Variants in RGS3 observed in about 807,000 individuals in gnomAD.
RGS3 encodes regulator of G protein signaling 3.
A neutral mutation model predicts 132.6 loss-of-function variants in RGS3; 80 were observed. The observed-to-expected ratio is 0.60, with a 90% CI of 0.50 to 0.73. RGS3 has a LOEUF of 0.73. RGS3 is among the 30% of genes least tolerant of loss of function. RGS3 has a pLI of 0.00. For synonymous variants in RGS3, 598 were observed against 620.6 expected (o/e 0.96, Z 0.54); for missense variants, 1,382 against 1,530.8 (o/e 0.90, Z 1.62).
In RGS3 at chr9:113,565,064, G is replaced by A; in HGVS notation, c.2038-18386G>A. Reference sequence around the variant, plus strand: ...GAGCCTGCTAGGGATCCCAGTGCCAGGGGGTGCCGTTGTGAGGGATGGACG... The same window carrying A: ...GAGCCTGCTAGGGATCCCAGTGCCAAGGGGTGCCGTTGTGAGGGATGGACG... On this transcript the variant is annotated intron_variant, in intron 19 of 24. Coordinates refer to ENST00000350696, the Ensembl canonical transcript of RGS3. This position sits in a 1 kb window ranked among gnomAD's most constrained non-coding sequence, Gnocchi z 5.7. The A allele has an allele frequency of 8.8e-7, 1 of 1,138,026 alleles. No homozygotes were observed. The highest frequency in any genetic ancestry group is 1.1e-6 in the Non-Finnish European group (1 of 915,104). 70.5% of individuals were successfully genotyped at this position (1,138,026 alleles called of 1,614,324 possible). A position where few individuals can be genotyped will look rare whatever the true frequency, so the allele number is the denominator to read the frequency against.
At chr9:113,460,960 C>A (rs117994048) in intron 1 of RGS3, among the ~76,000 whole-genome samples, 6,263 of 152,162 alleles carry the variant, frequency 0.041, 167 homozygotes, top group South Asian at 0.1. Context: ...TGTATATATG[C>A]ATATGGTATA....
In RGS3 at chr9:113,474,268, CTG is replaced by C. The variant is rs561018003; in HGVS notation, c.416-5217_416-5216del. ...ACCCATCACAATTTTTATGCCAGTG[CTG>C]TGTGTCCTATGTCCTCACCTTCGCA... is the stretch of plus-strand genomic sequence containing the variant. On this transcript the variant is annotated intron_variant, in intron 3 of 24. Coordinates refer to ENST00000350696, the Ensembl canonical transcript of RGS3. Among the ~76,000 whole-genome samples, 41 of 152,242 alleles carry C rather than the reference CTG, an allele frequency of 2.7e-4. 1 individual carries two copies. The South Asian group carries it at 4.8e-3, about 18-fold the overall frequency.
intron 1 of RGS3, among the ~76,000 whole-genome samples, chr9:113,447,125 G>A (rs545605008): frequency 8.6e-5 from 13 of 151,214 alleles, no homozygotes; most frequent in African/African-American, 3.2e-4. Context: ...AGCTGGGTGT[G>A]GTGGCACGTG....
chr9:113,553,458 AAATATATATATATATAT>A (rs1414186515), intron 19 of RGS3, among the ~76,000 whole-genome samples: 25 of 95,518 alleles, frequency 2.6e-4, no homozygotes, highest in African/African-American at 1.1e-3. Context: ...AAAAAAAAAA[AAATATATATATATATAT>A]ATATATATAT....
At chr9:113,504,004 G>C (rs1226630326) in intron 10 of RGS3, among the ~76,000 whole-genome samples, 1 of 152,074 alleles carries the variant, frequency 6.6e-6, no homozygotes, top group African/African-American at 2.4e-5. Context: ...CCTTCCCCTT[G>C]TCTGTCAGGT....
intron 22 of RGS3, 27 bp downstream of exon 20, chr9:113,594,558 C>A: frequency 5.1e-6 from 8 of 1,580,872 alleles, no homozygotes; most frequent in African/African-American, 1.3e-5. Flanking sequence ...ACCCTGGGAC[C>A]CTTTGGGGAA....
intron 19 of RGS3, among the ~76,000 whole-genome samples, chr9:113,542,823 G>T (rs1024955905): frequency 6.6e-6 from 1 of 152,208 alleles, no homozygotes; most frequent in Non-Finnish European, 1.5e-5. Context: ...GCTGAGCATT[G>T]TGATAGGAAG....
At chr9:113,571,951 C>A (rs892713587) in intron 19 of RGS3, among the ~76,000 whole-genome samples, 1 of 152,174 alleles carries the variant, frequency 6.6e-6, no homozygotes, top group African/African-American at 2.4e-5. Flanking sequence ...CATCCTGTCT[C>A]ACTATAGGGC....
At chr9:113,494,694 C>T (rs1293179557) in intron 7 of RGS3, among the ~76,000 whole-genome samples, 1 of 152,200 alleles carries the variant, frequency 6.6e-6, no homozygotes, top group Non-Finnish European at 1.5e-5. Flanking sequence ...CCTTTGTTGT[C>T]CAGGCTGGTC....
intron 17 of RGS3, among the ~76,000 whole-genome samples, chr9:113,526,084 C>T (rs1423919028): frequency 6.6e-6 from 1 of 152,242 alleles, no homozygotes; most frequent in African/African-American, 2.4e-5. Flanking sequence ...CCTCTGCTGC[C>T]CGCTAGCTTT....
intron 20 of RGS3, chr9:113,589,257 C>T (rs1219277851): frequency 6.6e-6 from 1 of 152,274 alleles, no homozygotes; most frequent in African/African-American, 2.4e-5. Context: ...CCACTCTGGC[C>T]CCCTCCAAGG....
intron 19 of RGS3, among the ~76,000 whole-genome samples, chr9:113,573,560 C>T (rs1216554062): frequency 6.6e-6 from 1 of 152,212 alleles, no homozygotes; most frequent in Non-Finnish European, 1.5e-5. Context: ...CTATTTGTGT[C>T]CTTCCCTGAG....
chr9:113,522,655 T>G, intron 16 of RGS3: 4 of 448,036 alleles, frequency 8.9e-6, no homozygotes, highest in East Asian at 4.3e-5. Flanking sequence ...CCAGCTGCCA[T>G]GGAGGGTGAG....
At chr9:113,453,058 G>T (rs1433031758) in intron 1 of RGS3, among the ~76,000 whole-genome samples, 5 of 126,978 alleles carry the variant, frequency 3.9e-5, no homozygotes, top group East Asian at 2.1e-4. Context: ...TAATATATAA[G>T]TATACATTAT....
chr9:113,468,188 C>T (rs574045506), intron 3 of RGS3, among the ~76,000 whole-genome samples: 1 of 152,262 alleles, frequency 6.6e-6, no homozygotes, highest in Admixed American at 6.5e-5. Context: ...AGTTTTGGCT[C>T]TTATATTTAG....
intron 1 of RGS3, among the ~76,000 whole-genome samples, chr9:113,450,507 A>G (rs1263194951): frequency 1.3e-5 from 2 of 152,186 alleles, no homozygotes; most frequent in African/African-American, 4.8e-5. Context: ...AGTGAGCACT[A>G]CAGTCTAGGT....
rs142497888 is a variant in RGS3 at position 113,446,175 on chromosome 9, A to G, written c.-13+1248A>G. On this transcript the variant is annotated intron_variant, in intron 1 of 25. Transcript: ENST00000374140. ...CTTAGATAGAAATGATTAGAAGTCC[A>G]GAGGAATCTGGGAAGGAATTTCTAA... Among the ~76,000 whole-genome samples the G allele has an allele frequency of 1.1e-3, 160 of 152,360 alleles. 1 individual carries two copies. Among genetic ancestry groups the G allele is most frequent in the African/African-American group, 3.8e-3 (156 of 41,590 alleles).
chr9:113,517,165 G>C (rs566248927), intron 15 of RGS3: 2 of 470,138 alleles, frequency 4.3e-6, no homozygotes, highest in East Asian at 1.3e-4. Context: ...GGTCCTGTGA[G>C]GCATGAACAG....
At chr9:113,462,895 C>G (rs1829509357) in intron 3 of RGS3, among the ~76,000 whole-genome samples, 2 of 152,220 alleles carry the variant, frequency 1.3e-5, no homozygotes, top group Non-Finnish European at 2.9e-5. Context: ...AGACTAACAG[C>G]TTTCCTTCCC....
Sources: allele counts gnomAD v4.1 joint callset (sites outside exome capture counted in the v4.1 genomes callset), GRCh38; gene constraint gnomAD v4.1.1; non-coding constraint Gnocchi (gnomAD v3.1); transcripts MANE v1.5; gene names NCBI Gene and HGNC (gene_info 2026-07-23, HGNC 2026-07-21).